Variants in GRID2 observed in about 807,000 individuals in gnomAD.
GRID2 encodes glutamate ionotropic receptor delta type subunit 2.
In GRID2, 33 loss-of-function variants were observed where a neutral mutation model predicts 114.8. The ratio of observed to expected loss-of-function variants is 0.29; its 90% CI spans 0.22 to 0.38. The LOEUF is 0.38. GRID2 is among the 10% of genes least tolerant of loss of function. The pLI is 1.00. For synonymous variants in GRID2, 505 were observed against 449.9 expected, an observed-to-expected ratio of 1.12 and a Z score of -1.55; for missense variants, 1,184 against 1,257.7, an observed-to-expected ratio of 0.94 and a Z score of 0.89.
intron 2 of GRID2, among the ~76,000 whole-genome samples, chr4:92,671,080 T>C (rs538687881): frequency 6.6e-6 from 1 of 152,126 alleles, no homozygotes; most frequent in Non-Finnish European, 1.5e-5. Flanking sequence ...AGAAAAGAGA[T>C]TTAATTGACT....
At chr4:93,410,634 A>C (rs1767022117) in intron 9 of GRID2, among the ~76,000 whole-genome samples, 1 of 152,192 alleles carries the variant, frequency 6.6e-6, no homozygotes, top group Admixed American at 6.5e-5. Context: ...CCCCAACTGG[A>C]GAGCAATGGC....
intron 14 of GRID2, among the ~76,000 whole-genome samples, chr4:93,726,310 T>C (rs1729884602): frequency 6.6e-6 from 1 of 152,234 alleles, no homozygotes; most frequent in African/African-American, 2.4e-5. Flanking sequence ...TGCGGCATTA[T>C]TTCTGAGGGC....
chr4:93,669,517 G>A (rs1321844244), intron 14 of GRID2, among the ~76,000 whole-genome samples: 1 of 151,964 alleles, frequency 6.6e-6, no homozygotes, highest in Non-Finnish European at 1.5e-5. Flanking sequence ...GTGATATACT[G>A]AAGTTAACTA....
downstream of GRID2, among the ~76,000 whole-genome samples, chr4:93,776,782 T>C (rs1248089733): frequency 6.6e-6 from 1 of 152,212 alleles, no homozygotes; most frequent in Non-Finnish European, 1.5e-5. Flanking sequence ...TGAAAATTCC[T>C]ATAAGCCACA....
chr4:93,767,810 C>G (rs904143837), intron 14 of GRID2, among the ~76,000 whole-genome samples: 2 of 152,152 alleles, frequency 1.3e-5, no homozygotes, highest in Non-Finnish European at 1.5e-5. Context: ...GCAGTCTCAC[C>G]CCAAATAATC....
At chr4:93,770,872 TTA>T (rs1162053036) in intron 15 of GRID2, among the ~76,000 whole-genome samples, 2 of 152,200 alleles carry the variant, frequency 1.3e-5, no homozygotes, top group Non-Finnish European at 2.9e-5. Flanking sequence ...AACCATAAAA[TTA>T]TATGTCTCAA....
chr4:92,310,273 GA>G (rs1036125680), intron 1 of GRID2, among the ~76,000 whole-genome samples: 1 of 151,888 alleles, frequency 6.6e-6, no homozygotes, highest in African/African-American at 2.4e-5. Context: ...TTCATTATAA[GA>G]ATAATGGAGG....
At chr4:93,542,850 C>T (rs949684186) in intron 13 of GRID2, among the ~76,000 whole-genome samples, 1 of 152,100 alleles carries the variant, frequency 6.6e-6, no homozygotes, top group Non-Finnish European at 1.5e-5. Flanking sequence ...TCCTCTCTGC[C>T]CAGCATCTTC....
rs78444519 is a variant in GRID2, at chr4:92,585,436, T to C, written c.89-4695T>C. Among the ~76,000 whole-genome samples the C allele has an allele frequency of 3.7e-3, 554 of 151,408 alleles. 4 individuals carry two copies. Among genetic ancestry groups the C allele is most frequent in the Non-Finnish European group, 5.2e-3 (353 of 67,638 alleles). On this transcript the variant is annotated intron_variant, in intron 1 of 15. Transcript: ENST00000282020. ...AAATAAAGATCAGCTATCTTTGATTTTATTTGGAATTATGAAATCCAACGA... is the reference window on the plus strand; with the variant it reads ...AAATAAAGATCAGCTATCTTTGATTCTATTTGGAATTATGAAATCCAACGA...
At chr4:92,920,972 C>A (rs1470578144) in intron 2 of GRID2, among the ~76,000 whole-genome samples, 1 of 152,182 alleles carries the variant, frequency 6.6e-6, no homozygotes, top group East Asian at 1.9e-4. Flanking sequence ...CTCCCAGTCA[C>A]TTTCAGGTAC....
At chr4:93,471,911 G>T (rs1286453496) in intron 11 of GRID2, among the ~76,000 whole-genome samples, 3 of 149,190 alleles carry the variant, frequency 2.0e-5, no homozygotes, top group Non-Finnish European at 4.5e-5. Context: ...TGTTGGTCAG[G>T]CTGGTCTCGA....
At chr4:92,541,137 C>G (rs1466128364) in intron 1 of GRID2, among the ~76,000 whole-genome samples, 3 of 151,538 alleles carry the variant, frequency 2.0e-5, no homozygotes, top group South Asian at 2.1e-4. Context: ...ACACTGGGGC[C>G]TGTTGTAGGG....
chr4:93,810,324 ATTT>A (rs1240355101), downstream of GRID2, among the ~76,000 whole-genome samples: 1 of 152,118 alleles, frequency 6.6e-6, no homozygotes, highest in Non-Finnish European at 1.5e-5. Flanking sequence ...TTTTTCAGAG[ATTT>A]TTAATTTTTT....
At chr4:93,603,439 G>C (rs1201982731) in intron 13 of GRID2, among the ~76,000 whole-genome samples, 2 of 152,114 alleles carry the variant, frequency 1.3e-5, no homozygotes, top group Admixed American at 6.5e-5. Flanking sequence ...TGGTTCTTGC[G>C]GTTTAAGGAA....
At chr4:92,620,624 A>G (rs1037150966) in intron 2 of GRID2, among the ~76,000 whole-genome samples, 1 of 151,794 alleles carries the variant, frequency 6.6e-6, no homozygotes, top group Admixed American at 6.6e-5. Context: ...TACTATAATT[A>G]GATATAGTTA....
chr4:93,724,073 A>T (rs1438349044), intron 14 of GRID2, among the ~76,000 whole-genome samples: 6 of 152,222 alleles, frequency 3.9e-5, no homozygotes. Context: ...TGAAATGTGA[A>T]TGATGAAGAC....
At chr4:92,748,632 GTAT>G (rs10673614) in intron 2 of GRID2, among the ~76,000 whole-genome samples, 15,225 of 137,620 alleles carry the variant, frequency 0.11, 937 homozygotes, top group Middle Eastern at 0.18. Flanking sequence ...TAATTAAATT[GTAT>G]TATTATTATT....
chr4:92,456,968 TCACA>T (rs1174987734), intron 1 of GRID2, among the ~76,000 whole-genome samples: 1 of 152,148 alleles, frequency 6.6e-6, no homozygotes, highest in Non-Finnish European at 1.5e-5. Flanking sequence ...ACACACACTC[TCACA>T]CACATTTATT....
At chr4:92,639,082 C>A (rs1731220349) in intron 2 of GRID2, among the ~76,000 whole-genome samples, 1 of 151,300 alleles carries the variant, frequency 6.6e-6, no homozygotes, top group Admixed American at 6.6e-5. Context: ...TAATGAAACT[C>A]TTCCCTCATA....
Sources: gnomAD v4.1 joint callset for allele counts (sites outside exome capture counted in the v4.1 genomes callset) on GRCh38, gnomAD v4.1.1 for gene constraint, MANE v1.5 for transcripts, NCBI Gene and HGNC (gene_info 2026-07-23, HGNC 2026-07-21) for gene names.